Variants in PCCA observed in about 807,000 individuals in gnomAD.
PCCA encodes the protein propionyl-CoA carboxylase alpha chain, mitochondrial.
A neutral mutation model predicts 101.3 loss-of-function variants in PCCA; 74 were observed. The ratio of observed to expected loss-of-function variants is 0.73; its 90% CI spans 0.61 to 0.89. PCCA has a LOEUF of 0.89. Among genes scored for constraint, PCCA ranks in the 40% least tolerant of loss-of-function variants. PCCA has a pLI of 0.00. For missense variants in PCCA, 891 were observed against 907.0 expected, an observed-to-expected ratio of 0.98 and a Z score of 0.23; for synonymous variants, 294 against 313.6, an observed-to-expected ratio of 0.94 and a Z score of 0.66.
At chr13:100,397,830 A>G (rs550672866) in intron 19 of PCCA, among the ~76,000 whole-genome samples, 1 of 152,210 alleles carries the variant, frequency 6.6e-6, no homozygotes, top group Non-Finnish European at 1.5e-5. Flanking sequence ...TAAGGAAACT[A>G]GATGGAGATT....
Position 100,232,351 on chromosome 13 carries a change from CGTGTGTGTGTGTGTGTGTGTGT to C in PCCA, c.601-3471_601-3450del, listed in dbSNP as rs375554722. 2.2e-3 allele frequency among the ~76,000 whole-genome samples: 295 copies of C among 131,262 alleles called. 1 individual carries two copies. The highest frequency in any genetic ancestry group is 7.9e-3 in the Middle Eastern group (2 of 254). 86.1% of individuals were successfully genotyped at this position (131,262 alleles called of 152,430 possible). A position where few individuals can be genotyped will look rare whatever the true frequency, so the allele number is the denominator to read the frequency against. On this transcript the variant is annotated intron_variant, in intron 7 of 23. Transcript: ENST00000376285. ...TTATGTTTATGTGTGTGTGTGTATG[CGTGTGTGTGTGTGTGTGTGTGT>C]GTGTGTGTGTGTGTGTGTGGTTTTA...
intron 6 of PCCA, 66 bp from the exon 7 acceptor site, chr13:100,209,266 A>G: frequency 7.2e-7 from 1 of 1,398,096 alleles, no homozygotes; most frequent in South Asian, 1.2e-5. Flanking sequence ...TCTTTTATAA[A>G]ATTGTGACTC....
At chr13:100,260,636 A>T (rs1429605968) in intron 9 of PCCA, among the ~76,000 whole-genome samples, 1 of 151,940 alleles carries the variant, frequency 6.6e-6, no homozygotes, top group East Asian at 1.9e-4. Flanking sequence ...AGCTCAGGCA[A>T]TCCACCCGCC....
Position 100,361,109 on chromosome 13 carries a change from G to A in PCCA, c.1644-7363G>A, listed in dbSNP as rs559508439. 4.6e-5 allele frequency among the ~76,000 whole-genome samples: 7 copies of A among 152,242 alleles called. No homozygotes were observed. In the South Asian group the frequency reaches 1.0e-3, roughly 23 times the overall value. On this transcript the variant is annotated intron_variant, in intron 18 of 23. Transcript: ENST00000376285. Reference sequence around the variant, plus strand: ...TGAAAAAGGCAAACCTATGGAGATGGTAGAGATCAGTGATTGCCAAGCATT... The same window carrying A: ...TGAAAAAGGCAAACCTATGGAGATGATAGAGATCAGTGATTGCCAAGCATT...
intron 16 of PCCA, among the ~76,000 whole-genome samples, chr13:100,312,969 A>G (rs2067043113): frequency 6.6e-6 from 1 of 152,174 alleles, no homozygotes; most frequent in African/African-American, 2.4e-5. Context: ...TTTCTCTTAG[A>G]CTTTTTAATT....
intron 18 of PCCA, among the ~76,000 whole-genome samples, chr13:100,356,739 T>C (rs1232293257): frequency 6.6e-6 from 1 of 152,130 alleles, no homozygotes; most frequent in East Asian, 1.9e-4. Flanking sequence ...AATGAAACCA[T>C]GTGTGCACAG....
intron 21 of PCCA, among the ~76,000 whole-genome samples, chr13:100,469,169 C>T (rs2082767472): frequency 7.3e-6 from 1 of 137,800 alleles, no homozygotes; most frequent in Admixed American, 8.3e-5. Context: ...AAAGATTGCG[C>T]CATTGCACTC....
At chr13:100,397,902 T>G (rs2077127371) in intron 19 of PCCA, among the ~76,000 whole-genome samples, 1 of 152,192 alleles carries the variant, frequency 6.6e-6, no homozygotes, top group South Asian at 2.1e-4. Flanking sequence ...GCTACCAAAT[T>G]CCCCAGTTGG....
intron 18 of PCCA, among the ~76,000 whole-genome samples, chr13:100,350,785 G>A (rs2073172460): frequency 6.6e-6 from 1 of 152,088 alleles, no homozygotes; most frequent in African/African-American, 2.4e-5. Flanking sequence ...TTGGCTGCAG[G>A]ATATTTGGCA....
chr13:100,232,047 G>A (rs1170484919), intron 7 of PCCA, among the ~76,000 whole-genome samples: 1 of 152,108 alleles, frequency 6.6e-6, no homozygotes, highest in Non-Finnish European at 1.5e-5. Flanking sequence ...TACAGTGTAA[G>A]AGTTACTCTC....
In PCCA at chr13:100,398,525, T is replaced by G. The variant is rs372960472; in HGVS notation, c.1747-27108T>G. Among the ~76,000 whole-genome samples, 7 of 152,308 alleles carry G rather than the reference T, an allele frequency of 4.6e-5. No homozygotes were observed. In the East Asian group the frequency reaches 1.4e-3, roughly 29 times the overall value. On this transcript the variant is annotated intron_variant, in intron 19 of 23. Coordinates refer to ENST00000376285, the MANE Select transcript of PCCA (RefSeq NM_000282.4). ...AAGAGGAGGTAATTTTGCTTAGATC[T>G]CTTGATTTGAATTGTTCCGCTATTT...
intron 14 of PCCA, among the ~76,000 whole-genome samples, chr13:100,306,852 A>AG (rs1444647738): frequency 6.6e-6 from 1 of 152,248 alleles, no homozygotes; most frequent in Non-Finnish European, 1.5e-5. Flanking sequence ...AGGGTCTGGC[A>AG]GGGAGTGCAG....
At position 100,273,354 on chromosome 13, in the gene PCCA, C is replaced by T; in HGVS notation, c.1065+8C>T. 1 of 1,607,690 alleles carries T rather than the reference C, an allele frequency of 6.2e-7. No homozygotes were observed. The highest frequency in any genetic ancestry group is 8.5e-7 in the Non-Finnish European group (1 of 1,174,244). On this transcript the variant is annotated splice_region_variant and intron_variant, in intron 12 of 23. Transcript: ENST00000376285. ...ATGAATACAAGACTCCAGGTAACAA[C>T]AACTGTTATTTATTCCTCTCCATGC...
At chr13:100,283,474 C>T (rs534571611) in intron 12 of PCCA, among the ~76,000 whole-genome samples, 83 of 152,326 alleles carry the variant, frequency 5.4e-4, no homozygotes, top group Non-Finnish European at 1.0e-3. Context: ...CTTCTGCCTT[C>T]CTCGAGCGGC....
intron 21 of PCCA, among the ~76,000 whole-genome samples, chr13:100,495,522 C>T (rs1474238011): frequency 6.6e-6 from 1 of 152,156 alleles, no homozygotes; most frequent in African/African-American, 2.4e-5. Flanking sequence ...TGAGAAAAAT[C>T]CTTATTTGTA....
At chr13:100,092,806 T>A (rs189027090) in intron 1 of PCCA, among the ~76,000 whole-genome samples, 1 of 152,338 alleles carries the variant, frequency 6.6e-6, no homozygotes, top group African/African-American at 2.4e-5. Context: ...ATATGAATGC[T>A]TTAGAATTGC....
chr13:100,112,402 C>T (rs1033228023), intron 4 of PCCA, among the ~76,000 whole-genome samples: 1 of 152,162 alleles, frequency 6.6e-6, no homozygotes, highest in Non-Finnish European at 1.5e-5. Context: ...CCCAGCATAG[C>T]TTCAGTATCA....
chr13:100,226,779 A>G (rs916512963), intron 7 of PCCA, among the ~76,000 whole-genome samples: 1 of 152,084 alleles, frequency 6.6e-6, no homozygotes, highest in Non-Finnish European at 1.5e-5. Flanking sequence ...CGGGCTGCCC[A>G]TTTTCTCATA....
chr13:100,210,496 GT>G (rs1462905418), intron 7 of PCCA, among the ~76,000 whole-genome samples: 2 of 152,152 alleles, frequency 1.3e-5, no homozygotes. Flanking sequence ...TTCTCTCCAT[GT>G]GCATAATATG....
Sources: gnomAD v4.1 joint callset for allele counts (sites outside exome capture counted in the v4.1 genomes callset) on GRCh38, gnomAD v4.1.1 for gene constraint, MANE v1.5 for transcripts, NCBI Gene and HGNC (gene_info 2026-07-23, HGNC 2026-07-21) for gene names.